Variants in SAMD5 observed in about 807,000 individuals in gnomAD.
SAMD5 encodes the protein sterile alpha motif domain containing 5.
Under a neutral mutation model 11.3 loss-of-function variants are expected in SAMD5, and 13 were observed. The observed-to-expected ratio is 1.15, with a 90% CI of 0.75 to 1.83. SAMD5 has a LOEUF of 1.83. Among genes scored for constraint, SAMD5 ranks in the 40% most tolerant of loss-of-function variants. The pLI is 0.00. For missense variants in SAMD5, 255 were observed against 239.1 expected (o/e 1.07, Z -0.44); for synonymous variants, 129 against 111.3 (o/e 1.16, Z -1.00).
chr6:147,720,832 A>G (rs960402247), intron 1 of SAMD5, among the ~76,000 whole-genome samples: 7 of 133,638 alleles, frequency 5.2e-5, no homozygotes, highest in South Asian at 2.9e-4. Flanking sequence ...ATATCTCCCA[A>G]TGCTATCCCT....
At chr6:147,765,714 AAG>A in the SAMD5 span, among the ~76,000 whole-genome samples, 4 of 152,206 alleles carry the variant, frequency 2.6e-5, no homozygotes, top group Non-Finnish European at 5.9e-5. Context: ...GCACGGGCTG[AAG>A]AGAGAGGCTT....
At chr6:147,514,205 G>C (rs891853429) in intron 1 of SAMD5, among the ~76,000 whole-genome samples, 2 of 151,974 alleles carry the variant, frequency 1.3e-5, no homozygotes, top group Non-Finnish European at 2.9e-5. Context: ...GGGAGCATTC[G>C]CTTCTGCTTC....
the SAMD5 span, among the ~76,000 whole-genome samples, chr6:147,874,952 G>A: frequency 6.6e-6 from 1 of 152,076 alleles, no homozygotes; most frequent in Non-Finnish European, 1.5e-5. Context: ...ACTTCACTCA[G>A]AGAAAATGCC....
At chr6:147,838,163 A>C in the SAMD5 span, among the ~76,000 whole-genome samples, 1 of 152,220 alleles carries the variant, frequency 6.6e-6, no homozygotes. Context: ...AATTTGAGTG[A>C]CTAGAAGCCC....
the SAMD5 span, among the ~76,000 whole-genome samples, chr6:147,765,945 G>C: frequency 6.6e-6 from 1 of 152,048 alleles, no homozygotes; most frequent in African/African-American, 2.4e-5. Context: ...TTGACACCTA[G>C]AGGAAACAGG....
chr6:147,578,791 TAA>T lies in SAMD5; in HGVS notation c.162+69415_162+69416del, dbSNP rs36033270. ...AACATCAAAAGTAATATCTGCGAAGTAAAAAAAAAAAACCCAATCTATATTTG... is the reference window on the plus strand; with the variant it reads ...AACATCAAAAGTAATATCTGCGAAGTAAAAAAAAAACCCAATCTATATTTG... On this transcript the variant is annotated intron_variant, in intron 1 of 1. Coordinates refer to the SAMD5 transcript ENST00000566741. Among the ~76,000 whole-genome samples the T allele has an allele frequency of 9.9e-3, 1,477 of 149,264 alleles. 24 individuals carry two copies. Among genetic ancestry groups the T allele is most frequent in the African/African-American group, 0.033 (1,334 of 40,858 alleles).
intron 1 of SAMD5, among the ~76,000 whole-genome samples, chr6:147,531,058 T>C (rs1788422586): frequency 6.6e-6 from 1 of 152,222 alleles, no homozygotes; most frequent in African/African-American, 2.4e-5. Flanking sequence ...GTAAATCCTT[T>C]CTGGCTGAAG....
intron 1 of SAMD5, among the ~76,000 whole-genome samples, chr6:147,538,966 A>C (rs1225503959): frequency 6.6e-6 from 1 of 152,158 alleles, no homozygotes; most frequent in African/African-American, 2.4e-5. Flanking sequence ...ACACATATAC[A>C]TACAGGCAGA....
the SAMD5 span, among the ~76,000 whole-genome samples, chr6:147,816,345 TTAAATA>T: frequency 7.5e-6 from 1 of 133,018 alleles, no homozygotes; most frequent in African/African-American, 2.9e-5. Flanking sequence ...ATTGTATACT[TTAAATA>T]TAAATATATG....
the SAMD5 span, among the ~76,000 whole-genome samples, chr6:147,886,317 C>G: frequency 6.6e-6 from 1 of 152,120 alleles, no homozygotes; most frequent in Non-Finnish European, 1.5e-5. Context: ...CAAAACAAAA[C>G]AAAATCCCTC....
intron 1 of SAMD5, among the ~76,000 whole-genome samples, chr6:147,533,060 C>T (rs1461452672): frequency 6.6e-6 from 1 of 152,068 alleles, no homozygotes; most frequent in Non-Finnish European, 1.5e-5. Context: ...AGCAGTGCAG[C>T]CATGGTCAGG....
At chr6:147,710,869 T>G (rs1791388530) in intron 1 of SAMD5, among the ~76,000 whole-genome samples, 1 of 152,046 alleles carries the variant, frequency 6.6e-6, no homozygotes, top group African/African-American at 2.4e-5. Context: ...CTGCACCGGA[T>G]AGTAAGTACT....
At chr6:147,707,744 C>CTGTTATT (rs1220795605) in intron 1 of SAMD5, among the ~76,000 whole-genome samples, 1 of 152,124 alleles carries the variant, frequency 6.6e-6, no homozygotes. Flanking sequence ...ATTACCACCC[C>CTGTTATT]ATACTAAACA....
intron 1 of SAMD5, among the ~76,000 whole-genome samples, chr6:147,692,929 A>G (rs1448245649): frequency 6.6e-6 from 1 of 152,242 alleles, no homozygotes; most frequent in Non-Finnish European, 1.5e-5. Flanking sequence ...AAAAGTTCAG[A>G]AAATCATCGT....
chr6:147,830,718 T>G, the SAMD5 span, among the ~76,000 whole-genome samples: 1 of 152,232 alleles, frequency 6.6e-6, no homozygotes, highest in African/African-American at 2.4e-5. Flanking sequence ...AAAATTATTC[T>G]GTTTCCTTAA....
At chr6:147,618,578 C>T (rs1183579562) in intron 1 of SAMD5, among the ~76,000 whole-genome samples, 1 of 152,166 alleles carries the variant, frequency 6.6e-6, no homozygotes, top group Non-Finnish European at 1.5e-5. Context: ...AGATCAGAAA[C>T]GCAGGGTGAC....
chr6:147,757,112 A>G, the SAMD5 span, among the ~76,000 whole-genome samples: 1 of 152,208 alleles, frequency 6.6e-6, no homozygotes, highest in South Asian at 2.1e-4. Flanking sequence ...ACATGCTGCC[A>G]TAGATTCTTG....
rs946060226 is a variant in SAMD5 at position 147,567,093 on chromosome 6, G to A, written c.*2637G>A. On this transcript the variant is annotated 3_prime_UTR_variant, in exon 2 of 2. Coordinates refer to ENST00000367474, the MANE Select transcript of SAMD5 (RefSeq NM_001030060.3). ...ACTTGATAATATTGAGGAGTCTGGA[G>A]GGTCATAGCAAAATTTTCTTTAGTT... 9.6e-5 allele frequency: 94 copies of A among 978,958 alleles called. No individual in the cohort carries two copies. Among genetic ancestry groups the A allele is most frequent in the Non-Finnish European group, 1.1e-4 (90 of 824,212 alleles). 60.6% of individuals were successfully genotyped at this position (978,958 alleles called of 1,614,324 possible). A position where few individuals can be genotyped will look rare whatever the true frequency, so the allele number is the denominator to read the frequency against.
rs1562337042 is a variant in SAMD5, at chr6:147,626,814, A to AAAAAAG, written c.163-110500_163-110499insAAGAAA. The stretch of plus-strand genomic sequence containing the variant: ...ATGAAAAAAAAAAAAAAAAAAAAAA[A>AAAAAAG]AAAGAAAGAAAGAAAAGAAGTGAAG... On this transcript the variant is annotated intron_variant, in intron 1 of 1. Coordinates refer to the SAMD5 transcript ENST00000566741. Among the ~76,000 whole-genome samples the AAAAAAG allele has an allele frequency of 4.8e-5, 7 of 145,638 alleles. No individual in the cohort carries two copies. The East Asian group carries it at 1.4e-3, about 28-fold the overall frequency.
Sources: allele counts gnomAD v4.1 joint callset (sites outside exome capture counted in the v4.1 genomes callset), GRCh38; gene constraint gnomAD v4.1.1; transcripts MANE v1.5; gene names NCBI Gene and HGNC (gene_info 2026-07-23, HGNC 2026-07-21).